TTC28: variants seen among roughly 807,000 people sequenced by gnomAD.
TTC28 encodes the protein tetratricopeptide repeat protein 28.
In TTC28, 61 loss-of-function variants were observed where a neutral mutation model predicts 198.0. The observed-to-expected ratio is 0.31, with a 90% CI of 0.25 to 0.38. The LOEUF is 0.38. TTC28 is among the 10% of genes least tolerant of loss of function. The probability of loss-of-function intolerance (pLI) is 1.00; values close to 1 mark genes in which losing one functional copy is unlikely to be tolerated. For synonymous variants in TTC28, 1,171 were observed against 1,297.8 expected (o/e 0.90, Z 2.10); for missense variants, 2,678 against 3,164.0 (o/e 0.85, Z 3.69).
At chr22:28,401,033 G>A (rs1047304468) in intron 2 of TTC28, among the ~76,000 whole-genome samples, 8 of 152,026 alleles carry the variant, frequency 5.3e-5, no homozygotes, top group African/African-American at 1.7e-4. Flanking sequence ...TATTTGAGTT[G>A]AGAAAGAAGA....
At chr22:27,983,906 TTTTTC>T in intron 22 of TTC28, 55 bp from the exon 23 acceptor site, 1 of 1,488,290 alleles carries the variant, frequency 6.7e-7, no homozygotes, top group Non-Finnish European at 8.9e-7. Context: ...ATGGTTTTGA[TTTTTC>T]TTTCAAAATT....
chr22:28,578,896 G>A (rs2050189714), intron 2 of TTC28, among the ~76,000 whole-genome samples: 1 of 152,032 alleles, frequency 6.6e-6, no homozygotes, highest in South Asian at 2.1e-4. Flanking sequence ...CCAGCTATTG[G>A]AACCAGAGTT....
chr22:28,051,819 C>T (rs1258657042), intron 12 of TTC28, among the ~76,000 whole-genome samples: 5 of 152,078 alleles, frequency 3.3e-5, no homozygotes, highest in Non-Finnish European at 7.4e-5. Flanking sequence ...CATGATTATA[C>T]CCTACCACCC....
chr22:28,360,221 T>C (rs1315572108), intron 2 of TTC28, among the ~76,000 whole-genome samples: 1 of 152,008 alleles, frequency 6.6e-6, no homozygotes, highest in Non-Finnish European at 1.5e-5. Flanking sequence ...AATTCCAGTA[T>C]AAAAAACAGA....
chr22:28,245,785 T>C (rs1272066400), intron 5 of TTC28, among the ~76,000 whole-genome samples: 1 of 152,186 alleles, frequency 6.6e-6, no homozygotes, highest in Non-Finnish European at 1.5e-5. Flanking sequence ...CCACTGCCTC[T>C]AGAACAAAGG....
rs946536657 is a variant in TTC28, at chr22:28,105,555, C to T, written c.3031G>A (p.Gly1011Arg). 1.9e-6 allele frequency: 3 copies of T among 1,551,618 alleles called. No individual in the cohort carries two copies. The highest frequency in any genetic ancestry group is 2.6e-6 in the Non-Finnish European group (3 of 1,147,012). The change falls in exon 8 of 23, where the codon GGG becomes AGG. Residue 1011 changes from glycine to arginine, a missense_variant. Around this residue, in one of 8 missense-constraint regions of TTC28, gnomAD observed 727 missense variants for 861.9 expected, o/e 0.84. Coordinates refer to ENST00000397906, the MANE Select transcript of TTC28 (RefSeq NM_001145418.2). ...CGLGGVYQQM[G>R]EYDTALQYHQ... ...TACTGCAGGGCTGTGTCATACTCCC[C>T]CATCTGCTGGTAAACGCCCCCCAGG...
At chr22:28,058,811 ATC>A (rs1940397628) in intron 12 of TTC28, among the ~76,000 whole-genome samples, 2 of 151,990 alleles carry the variant, frequency 1.3e-5, no homozygotes, top group African/African-American at 4.8e-5. Flanking sequence ...ATTTTGCTTA[ATC>A]TAGTATTAGT....
chr22:27,983,573 G>T lies in TTC28; in HGVS notation c.6094C>A (p.Gln2032Lys). The T allele has an allele frequency of 6.4e-7, 1 of 1,551,234 alleles. No homozygotes were observed. Among genetic ancestry groups the T allele is most frequent in the Admixed American group, 2.0e-5 (1 of 50,888 alleles). Residue 2032 changes from glutamine to lysine, a missense_variant, in exon 23 of 23, where the codon CAG becomes AAG. Gln to Lys is a moderately conservative substitution (Grantham distance 53). Coordinates refer to ENST00000397906, the MANE Select transcript of TTC28 (RefSeq NM_001145418.2). The part of the protein sequence containing the change: ...DHDRSKNAYL[Q>K]RSTLPRSQLP... ...TGGCTCCTAGGCAGGGTGGATCTCT[G>T]CAGGTAAGCGTTCTTGGACCGGTCA...
At chr22:28,289,380 T>C (rs1321526504) in intron 5 of TTC28, among the ~76,000 whole-genome samples, 2 of 152,190 alleles carry the variant, frequency 1.3e-5, no homozygotes, top group Non-Finnish European at 2.9e-5. Flanking sequence ...ATGTAATTTA[T>C]GTACTCTTCT....
At chr22:28,465,006 A>C (rs1026329595) in intron 2 of TTC28, among the ~76,000 whole-genome samples, 4 of 152,164 alleles carry the variant, frequency 2.6e-5, no homozygotes, top group Admixed American at 2.6e-4. Context: ...GACTCCCCCA[A>C]AACTTCACTT....
At chr22:28,219,723 A>G (rs1927704380) in intron 5 of TTC28, among the ~76,000 whole-genome samples, 1 of 152,228 alleles carries the variant, frequency 6.6e-6, no homozygotes, top group African/African-American at 2.4e-5. Context: ...TGGGAAAATT[A>G]ATATGAGAAT....
chr22:28,276,581 G>A (rs1268691684), intron 5 of TTC28, among the ~76,000 whole-genome samples: 1 of 152,118 alleles, frequency 6.6e-6, no homozygotes, highest in Non-Finnish European at 1.5e-5. Context: ...TCTAATGGAA[G>A]AGATTAGGGA....
intron 12 of TTC28, among the ~76,000 whole-genome samples, chr22:28,081,379 A>G (rs1020508730): frequency 2.0e-5 from 3 of 151,890 alleles, no homozygotes; most frequent in African/African-American, 7.3e-5. Context: ...AGGAAGTATG[A>G]TACCTCCAGC....
intron 2 of TTC28, among the ~76,000 whole-genome samples, chr22:28,408,396 A>ATT (rs531484059): frequency 1.4e-5 from 2 of 145,174 alleles, no homozygotes; most frequent in South Asian, 2.2e-4. Flanking sequence ...CCCAACTTTC[A>ATT]TTTTTTTTTT....
chr22:28,664,772 G>A (rs1442059914), intron 1 of TTC28, among the ~76,000 whole-genome samples: 1 of 26,658 alleles, frequency 3.8e-5, no homozygotes, highest in Non-Finnish European at 6.7e-5. Flanking sequence ...GCAGGCCAAC[G>A]TTCAGATTCA....
At chr22:28,168,030 GACAA>G (rs1375725520) in intron 5 of TTC28, among the ~76,000 whole-genome samples, 2 of 152,102 alleles carry the variant, frequency 1.3e-5, no homozygotes, top group African/African-American at 2.4e-5. Flanking sequence ...ACCAAAAACA[GACAA>G]ACAGAGAGCC....
chr22:28,290,033 A>AT (rs200472880), intron 5 of TTC28, among the ~76,000 whole-genome samples: 3,501 of 150,312 alleles, frequency 0.023, 123 homozygotes, highest in East Asian at 0.089. Flanking sequence ...CAAAAAAAAA[A>AT]TTTTTTTTTT....
Position 28,552,450 on chromosome 22 carries a change from A to C in TTC28, c.381+77102T>G, listed in dbSNP as rs58853606. ...AAGACTAAGCAAAAAGAACAAATCT[A>C]GAAGTATCACATTACTGACTTCAAA... On this transcript the variant is annotated intron_variant, in intron 2 of 22. Transcript: ENST00000397906. 8.2e-3 allele frequency among the ~76,000 whole-genome samples: 1,243 copies of C among 152,266 alleles called. 20 individuals are homozygous for C. The highest frequency in any genetic ancestry group is 0.028 in the African/African-American group (1,183 of 41,560).
chr22:28,007,990 C>T (rs1038345720), intron 14 of TTC28: 2 of 152,172 alleles, frequency 1.3e-5, no homozygotes, highest in Non-Finnish European at 2.9e-5. Context: ...ATCAATTAGA[C>T]AGCCTGGTGG....
Sources: gnomAD v4.1 joint callset for allele counts (sites outside exome capture counted in the v4.1 genomes callset) on GRCh38, gnomAD v4.1.1 for gene constraint, gnomAD v4.1.1 regional missense constraint, MANE v1.5 for transcripts, NCBI Gene and HGNC (gene_info 2026-07-23, HGNC 2026-07-21) for gene names.